Variants in EPHA5 observed in about 807,000 individuals in gnomAD.
The protein encoded by EPHA5 is EPH receptor A5.
In EPHA5, 60 loss-of-function variants were observed where a neutral mutation model predicts 105.0. The observed-to-expected ratio is 0.57, with a 90% CI of 0.46 to 0.71. EPHA5 has a LOEUF of 0.71. Ranked by LOEUF, EPHA5 falls within the 30% of genes least tolerant of loss-of-function variation. EPHA5 has a pLI of 0.00. For missense variants in EPHA5, 1,218 were observed against 1,274.7 expected, an observed-to-expected ratio of 0.96 and a Z score of 0.68; for synonymous variants, 513 against 449.1, an observed-to-expected ratio of 1.14 and a Z score of -1.80.
intron 3 of EPHA5, among the ~76,000 whole-genome samples, chr4:65,527,977 G>A (rs1012097092): frequency 2.0e-5 from 3 of 151,938 alleles, no homozygotes; most frequent in African/African-American, 7.3e-5. Context: ...GTTTGCTAAG[G>A]ATAAACATTT....
intron 3 of EPHA5, among the ~76,000 whole-genome samples, chr4:65,567,469 C>A (rs1038230965): frequency 1.3e-5 from 2 of 151,294 alleles, no homozygotes; most frequent in Non-Finnish European, 3.0e-5. Context: ...GAGTATTCTA[C>A]CTATTAAGAA....
chr4:65,367,828 AC>A (rs2148897762), intron 8 of EPHA5, among the ~76,000 whole-genome samples: 1 of 151,920 alleles, frequency 6.6e-6, no homozygotes, highest in African/African-American at 2.4e-5. Flanking sequence ...TGCCTTCATC[AC>A]CCTGCACAAT....
intron 3 of EPHA5, among the ~76,000 whole-genome samples, chr4:65,569,407 T>C (rs1739889808): frequency 6.6e-6 from 1 of 151,646 alleles, no homozygotes; most frequent in Non-Finnish European, 1.5e-5. Flanking sequence ...CAGTTGAGGA[T>C]CATAGAACAG....
intron 5 of EPHA5, among the ~76,000 whole-genome samples, chr4:65,438,775 A>T (rs866292073): frequency 5.9e-5 from 9 of 152,024 alleles, no homozygotes; most frequent in Admixed American, 3.9e-4. Context: ...GGAAAAAAAA[A>T]TAGCAAGAAT....
At chr4:65,442,337 A>C (rs1231098909) in intron 5 of EPHA5, among the ~76,000 whole-genome samples, 1 of 152,152 alleles carries the variant, frequency 6.6e-6, no homozygotes, top group Non-Finnish European at 1.5e-5. Context: ...AGCCATGTGA[A>C]ATTATAGCAG....
Position 65,404,334 on chromosome 4 carries a change from A to C in EPHA5, c.1793+40T>G, listed in dbSNP as rs1167829859. ...ATGGTCAGATCAAGGTGAGGAAGAG[A>C]TCAGCTGCAGAACTTCAGAATCACA... is the stretch of plus-strand genomic sequence containing the variant. On this transcript the variant is annotated intron_variant, in intron 8 of 16. Coordinates refer to ENST00000613740, the MANE Select transcript of EPHA5 (RefSeq NM_001281766.3). 3.9e-6 allele frequency: 6 copies of C among 1,552,122 alleles called. No individual in the cohort carries two copies. In the African/African-American group the frequency reaches 6.8e-5, roughly 18 times the overall value.
At chr4:65,408,493 G>GA (rs1227464255) in intron 7 of EPHA5, among the ~76,000 whole-genome samples, 1 of 151,786 alleles carries the variant, frequency 6.6e-6, no homozygotes, top group Non-Finnish European at 1.5e-5. Context: ...AAATTTACAA[G>GA]AAAAAAACAA....
At chr4:65,475,327 A>G (rs1729689026) in intron 5 of EPHA5, among the ~76,000 whole-genome samples, 1 of 152,202 alleles carries the variant, frequency 6.6e-6, no homozygotes, top group Non-Finnish European at 1.5e-5. Context: ...ATGCATGGCA[A>G]TCAATTTCAT....
intron 13 of EPHA5, 89 bp from the exon 14 acceptor site, chr4:65,348,292 A>C: frequency 1.7e-6 from 2 of 1,201,426 alleles, no homozygotes; most frequent in Non-Finnish European, 1.2e-6. Context: ...CTAGACAGAG[A>C]TGTAGCATTT....
rs1445410836 is a variant in EPHA5 at position 65,357,896 on chromosome 4, G to A, written c.2174-4793C>T. ...ATTATGTGACTTTTTTGGTGCTAAC[G>A]TCCATCACAAATCTCCAAAAGAGAA... is the stretch of plus-strand genomic sequence containing the variant. On this transcript the variant is annotated intron_variant, in intron 11 of 16. Transcript: ENST00000613740. 3.3e-5 allele frequency among the ~76,000 whole-genome samples: 5 copies of A among 151,134 alleles called. No homozygotes were observed. The South Asian group carries it at 6.2e-4, about 19-fold the overall frequency.
At chr4:65,331,628 T>C (rs1720626270) in intron 16 of EPHA5, 3 of 1,075,306 alleles carry the variant, frequency 2.8e-6, no homozygotes, top group South Asian at 8.9e-5. Context: ...CAGTTTATTT[T>C]GTTTTGTATT....
chr4:65,504,604 A>G (rs1305875294), intron 3 of EPHA5, among the ~76,000 whole-genome samples: 1 of 151,952 alleles, frequency 6.6e-6, no homozygotes, highest in Non-Finnish European at 1.5e-5. Context: ...GTGATGGTGT[A>G]TGTCTCCATC....
rs1053562030 is a variant in EPHA5 at position 65,519,440 on chromosome 4, G to T, written c.911-23897C>A. On this transcript the variant is annotated intron_variant, in intron 3 of 16. Coordinates refer to ENST00000613740, the MANE Select transcript of EPHA5 (RefSeq NM_001281766.3). ...AATATCATACTGAAAGGGCAAAAAC[G>T]GGAAGCATTTCCTTTGAAAACTGGC... Among the ~76,000 whole-genome samples, 7 of 152,010 alleles carry T rather than the reference G, an allele frequency of 4.6e-5. No homozygotes were observed. In the East Asian group the frequency reaches 7.8e-4, roughly 17 times the overall value.
rs993174368 is a variant in EPHA5 at position 65,447,314 on chromosome 4, C to T, written c.1403-26749G>A. Among the ~76,000 whole-genome samples, 9 of 151,924 alleles carry T rather than the reference C, an allele frequency of 5.9e-5. No individual in the cohort carries two copies. In the South Asian group the frequency reaches 1.0e-3, roughly 18 times the overall value. Reference sequence around the variant, plus strand: ...TATTCACTTAGATATTCCACATACCCCTGCAAAATAATGTTACTGCATTCA... The same window carrying T: ...TATTCACTTAGATATTCCACATACCTCTGCAAAATAATGTTACTGCATTCA... On this transcript the variant is annotated intron_variant, in intron 5 of 16. Transcript: ENST00000613740.
At chr4:65,630,077 TCTCTCA>T (rs1472510456) in intron 2 of EPHA5, among the ~76,000 whole-genome samples, 3 of 67,198 alleles carry the variant, frequency 4.5e-5, no homozygotes, top group Non-Finnish European at 1.0e-4. Flanking sequence ...ACTCTCTCTC[TCTCTCA>T]CACACACACA....
rs1234574706 is a variant in EPHA5, at chr4:65,557,245, T to TATATATATATAA, written c.910+44395_910+44396insTTATATATATAT. 6.8e-4 allele frequency among the ~76,000 whole-genome samples: 98 copies of TATATATATATAA among 144,040 alleles called. 1 individual carries two copies. Among genetic ancestry groups the TATATATATATAA allele is most frequent in the African/African-American group, 2.4e-3 (95 of 39,574 alleles). The allele number at this position is 144,040 out of a possible 152,430, so 94.5% of individuals were successfully genotyped here. On this transcript the variant is annotated intron_variant, in intron 3 of 16. Transcript: ENST00000613740. ...TCATTTATACTGGGATATATATATA[T>TATATATATATAA]ATATATATATATATTCTCACACTTT...
intron 3 of EPHA5, among the ~76,000 whole-genome samples, chr4:65,537,589 A>G (rs1390729147): frequency 1.3e-5 from 2 of 151,846 alleles, no homozygotes; most frequent in Admixed American, 1.3e-4. Context: ...ATCCTATTAA[A>G]CATGAATGTT....
chr4:65,535,896 G>T (rs1487386306), intron 3 of EPHA5, among the ~76,000 whole-genome samples: 1 of 151,754 alleles, frequency 6.6e-6, no homozygotes, highest in Admixed American at 6.6e-5. Flanking sequence ...TTTATCTGGG[G>T]AGTAAGTTAC....
At chr4:65,344,641 A>G (rs2148831818) in intron 14 of EPHA5, among the ~76,000 whole-genome samples, 1 of 152,320 alleles carries the variant, frequency 6.6e-6, no homozygotes, top group South Asian at 2.1e-4. Flanking sequence ...GCCAGGATGG[A>G]TTAAAATACT....
Sources: allele counts gnomAD v4.1 joint callset (sites outside exome capture counted in the v4.1 genomes callset), GRCh38; gene constraint gnomAD v4.1.1; transcripts MANE v1.5; gene names NCBI Gene and HGNC (gene_info 2026-07-23, HGNC 2026-07-21).